Variants in ZNF678 observed in about 807,000 individuals in gnomAD.
ZNF678 encodes zinc finger protein 678.
In ZNF678, 5 loss-of-function variants were observed where a neutral mutation model predicts 3.0. That is an observed-to-expected ratio of 1.69 (90% CI 0.88 to 3.56). ZNF678 has a LOEUF of 3.56. Ranked by LOEUF, ZNF678 falls within the 30% of genes most tolerant of loss-of-function variation. The pLI is 0.00. For missense variants in ZNF678, 593 were observed against 605.0 expected (o/e 0.98, Z 0.21); for synonymous variants, 218 against 199.6 (o/e 1.09, Z -0.78).
chr1:227,663,712 G>A (rs1659454450), downstream of ZNF678, among the ~76,000 whole-genome samples: 2 of 152,184 alleles, frequency 1.3e-5, no homozygotes, highest in Non-Finnish European at 2.9e-5. Context: ...TGTGAACAGG[G>A]ATTTGCGCCT....
chr1:227,588,147 G>A (rs976116170), intron 1 of ZNF678, among the ~76,000 whole-genome samples: 1 of 152,128 alleles, frequency 6.6e-6, no homozygotes, highest in African/African-American at 2.4e-5. Flanking sequence ...CCGTGTCCCT[G>A]CAAAGGACAT....
intron 1 of ZNF678, among the ~76,000 whole-genome samples, chr1:227,584,622 A>G (rs905053599): frequency 2.0e-5 from 3 of 152,252 alleles, no homozygotes; most frequent in Admixed American, 6.5e-5. Context: ...TAAGATGGGT[A>G]TAGACACCAC....
intron 1 of ZNF678, among the ~76,000 whole-genome samples, chr1:227,627,645 A>T (rs940904799): frequency 2.0e-5 from 3 of 152,124 alleles, no homozygotes; most frequent in African/African-American, 7.2e-5. Context: ...GGCATGGAGG[A>T]CTAGGTAAGC....
intron 1 of ZNF678, among the ~76,000 whole-genome samples, chr1:227,604,097 T>G (rs1377007591): frequency 6.6e-6 from 1 of 152,364 alleles, no homozygotes; most frequent in Non-Finnish European, 1.5e-5. Flanking sequence ...CATTTTGACA[T>G]TTGAGTATTT....
intron 1 of ZNF678, among the ~76,000 whole-genome samples, chr1:227,601,058 T>G (rs1430438649): frequency 6.6e-6 from 1 of 152,212 alleles, no homozygotes; most frequent in Non-Finnish European, 1.5e-5. Flanking sequence ...TTTTTTAAGC[T>G]TTGTCAAAGA....
rs1451424073 is a variant in ZNF678, at chr1:227,660,505, G to T, written c.*4677G>T. ...TCTGTAACTATTGCAGGTGTCAATT[G>T]TTTTCTTTATTTCTTTTTCAGATAG... is the stretch of plus-strand genomic sequence containing the variant. On this transcript the variant is annotated 3_prime_UTR_variant, in exon 4 of 4. Coordinates refer to ENST00000343776, the MANE Select transcript of ZNF678 (RefSeq NM_001367909.1). 1 of 151,822 alleles carries T rather than the reference G, an allele frequency of 6.6e-6. No individual in the cohort carries two copies. Among genetic ancestry groups the T allele is most frequent in the African/African-American group, 2.4e-5 (1 of 41,380 alleles). 9.4% of individuals were successfully genotyped at this position (151,822 alleles called of 1,614,324 possible). A position where few individuals can be genotyped will look rare whatever the true frequency, so the allele number is the denominator to read the frequency against.
At chr1:227,628,748 A>G (rs1473778746) in intron 1 of ZNF678, among the ~76,000 whole-genome samples, 1 of 152,230 alleles carries the variant, frequency 6.6e-6, no homozygotes, top group Non-Finnish European at 1.5e-5. Context: ...AGGTGGCTAA[A>G]AGTAAATCAT....
chr1:227,630,550 A>G (rs1571899744), intron 1 of ZNF678, among the ~76,000 whole-genome samples: 1 of 152,180 alleles, frequency 6.6e-6, no homozygotes. Flanking sequence ...GATTGCCCTA[A>G]CCCTTGTAAA....
At chr1:227,648,300 G>A (rs1659006380) in intron 2 of ZNF678, among the ~76,000 whole-genome samples, 1 of 151,964 alleles carries the variant, frequency 6.6e-6, no homozygotes, top group Non-Finnish European at 1.5e-5. Context: ...GCTTACTGGG[G>A]CATACACACA....
intron 1 of ZNF678, among the ~76,000 whole-genome samples, chr1:227,622,418 T>C (rs938781250): frequency 2.0e-5 from 3 of 152,188 alleles, no homozygotes; most frequent in Non-Finnish European, 2.9e-5. Context: ...CTCTTTAAAA[T>C]GTATAAAACC....
chr1:227,621,201 G>A lies in ZNF678; in HGVS notation c.-163-25343G>A, dbSNP rs114384860. On this transcript the variant is annotated intron_variant, in intron 1 of 3. Coordinates refer to ENST00000343776, the MANE Select transcript of ZNF678 (RefSeq NM_001367909.1). ...ATCGAGGTTGCAGTCAGCTGTGATC[G>A]CACCACTGCACTCCAACCTGGACAA... is the stretch of plus-strand genomic sequence containing the variant. 4.1e-3 allele frequency among the ~76,000 whole-genome samples: 618 copies of A among 152,216 alleles called. 3 individuals carry two copies. The highest frequency in any genetic ancestry group is 0.014 in the African/African-American group (561 of 41,544).
intron 1 of ZNF678, among the ~76,000 whole-genome samples, chr1:227,640,831 A>G (rs1445319124): frequency 6.6e-6 from 1 of 151,924 alleles, no homozygotes; most frequent in Non-Finnish European, 1.5e-5. Context: ...GGCTTGGGAG[A>G]ACAGGGAAAA....
chr1:227,629,595 G>T (rs1032632709), intron 1 of ZNF678, among the ~76,000 whole-genome samples: 1 of 152,256 alleles, frequency 6.6e-6, no homozygotes. Context: ...CCAGGAGACA[G>T]TTAACCTCCA....
intron 1 of ZNF678, among the ~76,000 whole-genome samples, chr1:227,635,968 C>T (rs978731217): frequency 2.0e-5 from 3 of 152,004 alleles, no homozygotes; most frequent in African/African-American, 7.3e-5. Flanking sequence ...CATGGGGTGG[C>T]GTGGGCATCT....
chr1:227,645,559 A>AT, intron 1 of ZNF678, among the ~76,000 whole-genome samples: 1 of 152,284 alleles, frequency 6.6e-6, no homozygotes, highest in Middle Eastern at 3.4e-3. Flanking sequence ...TTTACTATAA[A>AT]TTTTGACCTG....
At position 227,591,615 on chromosome 1, in the gene ZNF678, C is replaced by T. The variant is rs182308149; in HGVS notation, c.-164+27891C>T. ...TACTCGTATCATTTATGAGCCCCCA[C>T]CAGTCTTCAGTTCTTAATCTTATTT... On this transcript the variant is annotated intron_variant, in intron 1 of 3. Coordinates refer to ENST00000343776, the MANE Select transcript of ZNF678 (RefSeq NM_001367909.1). 6.6e-5 allele frequency among the ~76,000 whole-genome samples: 10 copies of T among 152,234 alleles called. No homozygotes were observed. The South Asian group carries it at 8.3e-4, about 13-fold the overall frequency.
chr1:227,622,993 A>G (rs1019778451), intron 1 of ZNF678, among the ~76,000 whole-genome samples: 3 of 152,214 alleles, frequency 2.0e-5, no homozygotes, highest in Non-Finnish European at 4.4e-5. Flanking sequence ...GGTTCACCCT[A>G]TCTATGGAGC....
chr1:227,575,359 AT>A (rs1471147124), intron 1 of ZNF678, among the ~76,000 whole-genome samples: 3 of 151,794 alleles, frequency 2.0e-5, no homozygotes, highest in Non-Finnish European at 1.5e-5. Context: ...TACAATACTG[AT>A]TTTTTTTCTA....
At chr1:227,626,304 G>C (rs1364332814) in intron 1 of ZNF678, among the ~76,000 whole-genome samples, 5 of 152,176 alleles carry the variant, frequency 3.3e-5, no homozygotes, top group African/African-American at 1.2e-4. Flanking sequence ...GCAGTATCTA[G>C]GGTTTGACTC....
Sources: allele counts gnomAD v4.1 joint callset (sites outside exome capture counted in the v4.1 genomes callset), GRCh38; gene constraint gnomAD v4.1.1; transcripts MANE v1.5; gene names NCBI Gene and HGNC (gene_info 2026-07-23, HGNC 2026-07-21).